The following MAP4K5 variants were observed in gnomAD, a reference collection of about 807,000 sequenced individuals.
The protein encoded by MAP4K5 is MAPK/ERK kinase kinase kinase 5.
MAP4K5 carries 82 observed loss-of-function variants against 135.6 expected under a neutral mutation model. The observed-to-expected ratio is 0.60, with a 90% CI of 0.51 to 0.73. The LOEUF (loss-of-function observed/expected upper bound fraction) is 0.73. MAP4K5 is among the 30% of genes least tolerant of loss of function. The probability of loss-of-function intolerance (pLI) is 0.00; values close to 1 mark genes in which losing one functional copy is unlikely to be tolerated. For synonymous variants in MAP4K5, 347 were observed against 335.0 expected (o/e 1.04, Z -0.39); for missense variants, 907 against 1,010.9 (o/e 0.90, Z 1.39).
Position 50,426,456 on chromosome 14 carries a change from G to GA in MAP4K5, c.2327-480_2327-479insT, listed in dbSNP as rs1487081826. On this transcript the variant is annotated intron_variant, in intron 30 of 32. Coordinates refer to ENST00000682126, the MANE Select transcript of MAP4K5 (RefSeq NM_006575.6). ...AAAAATAAACCTGGCCGGGCGCAGT[G>GA]GCTCATCCCTGTAACCTCAGCACTT... 1.2e-4 allele frequency among the ~76,000 whole-genome samples: 18 copies of GA among 152,306 alleles called. No individual in the cohort carries two copies. The East Asian group carries it at 3.3e-3, about 28-fold the overall frequency.
intron 1 of MAP4K5, among the ~76,000 whole-genome samples, chr14:50,554,066 CA>C (rs1046348590): frequency 4.0e-5 from 6 of 149,870 alleles, no homozygotes; most frequent in Non-Finnish European, 7.4e-5. Flanking sequence ...ATTAATGTAA[CA>C]AAAAAAATCT....
At chr14:50,541,230 T>C (rs1400420554) in intron 2 of MAP4K5, among the ~76,000 whole-genome samples, 1 of 152,252 alleles carries the variant, frequency 6.6e-6, no homozygotes, top group Admixed American at 6.5e-5. Context: ...TAGAGTATCA[T>C]TCCAGAGGGA....
At chr14:50,555,290 GTTTGT>G (rs2038752342) in intron 1 of MAP4K5, among the ~76,000 whole-genome samples, 3 of 152,060 alleles carry the variant, frequency 2.0e-5, no homozygotes, top group Admixed American at 2.0e-4. Context: ...TTGTTTGTTT[GTTTGT>G]TTTTGAGACG....
intron 11 of MAP4K5, among the ~76,000 whole-genome samples, chr14:50,466,321 G>A (rs1018621693): frequency 6.9e-6 from 1 of 145,982 alleles, no homozygotes; most frequent in Non-Finnish European, 1.5e-5. Context: ...GTTTGAGGTT[G>A]CAGTGAGTTA....
Position 50,476,185 on chromosome 14 carries a change from C to A in MAP4K5, c.427-15G>T, listed in dbSNP as rs768180939. 4.0e-6 allele frequency: 6 copies of A among 1,495,944 alleles called. No individual in the cohort carries two copies. In the South Asian group the frequency reaches 7.9e-5, roughly 20 times the overall value. 92.7% of individuals were successfully genotyped at this position (1,495,944 alleles called of 1,614,324 possible). ...ATATTAGCACCCTAGAACAAAAATA[C>A]AAATACAATTAAATTAGCATCATAA... On this transcript the variant is annotated splice_polypyrimidine_tract_variant and intron_variant, in intron 7 of 32. Coordinates refer to ENST00000682126, the MANE Select transcript of MAP4K5 (RefSeq NM_006575.6).
chr14:50,557,745 A>G (rs376621379), intron 1 of MAP4K5, among the ~76,000 whole-genome samples: 3 of 152,240 alleles, frequency 2.0e-5, no homozygotes, highest in Non-Finnish European at 4.4e-5. Flanking sequence ...GTCCACTGAA[A>G]GGGTCTAGAA....
intron 2 of MAP4K5, among the ~76,000 whole-genome samples, chr14:50,525,283 G>C (rs2038239338): frequency 6.6e-6 from 1 of 152,160 alleles, no homozygotes; most frequent in African/African-American, 2.4e-5. Flanking sequence ...TCTGTTGATA[G>C]CATCAATGTA....
intron 2 of MAP4K5, among the ~76,000 whole-genome samples, chr14:50,525,933 C>T (rs2038254629): frequency 6.6e-6 from 1 of 152,144 alleles, no homozygotes; most frequent in Admixed American, 6.5e-5. Flanking sequence ...CAGAAAATAG[C>T]CTCTATTCTC....
At chr14:50,532,292 C>T (rs1256897871) in intron 1 of MAP4K5, 134 bp from the exon 2 acceptor site, 6 of 439,296 alleles carry the variant, frequency 1.4e-5, no homozygotes, top group Non-Finnish European at 2.4e-5. Flanking sequence ...GAAGGGCCCC[C>T]GGCGCCCCGT....
chr14:50,553,339 A>G (rs756305095), intron 1 of MAP4K5, among the ~76,000 whole-genome samples: 9 of 152,096 alleles, frequency 5.9e-5, no homozygotes, highest in Admixed American at 5.9e-4. Context: ...CAGACAGCCA[A>G]CAAACATTGA....
At position 50,428,702 on chromosome 14, in the gene MAP4K5, C is replaced by T. The variant is rs2035902783; in HGVS notation, c.2286G>A (p.Leu762=). 1 of 1,517,472 alleles carries T rather than the reference C, an allele frequency of 6.6e-7. No homozygotes were observed. The highest frequency in any genetic ancestry group is 8.8e-7 in the Non-Finnish European group (1 of 1,137,048). 94.0% of individuals were successfully genotyped at this position (1,517,472 alleles called of 1,614,324 possible). Residue 762 remains leucine, a synonymous_variant, in exon 30 of 33, where the codon CTG becomes CTA. Coordinates refer to ENST00000682126, the MANE Select transcript of MAP4K5 (RefSeq NM_006575.6). The part of the protein sequence containing the change: ...LQGKLKSSKK[L]ASELSFDFRI... The stretch of plus-strand genomic sequence containing the variant: ...GAAAATCAAAACTTAACTCAGAGGC[C>T]AGTTTCTTACTTGATTTTAATTTTC...
intron 2 of MAP4K5, among the ~76,000 whole-genome samples, chr14:50,510,549 G>T (rs1399528640): frequency 3.3e-5 from 5 of 152,098 alleles, no homozygotes; most frequent in African/African-American, 1.2e-4. Context: ...GAAGGTTATT[G>T]CTCTCTTAAA....
At chr14:50,466,279 G>A (rs1278023434) in intron 11 of MAP4K5, among the ~76,000 whole-genome samples, 4 of 151,516 alleles carry the variant, frequency 2.6e-5, no homozygotes, top group Non-Finnish European at 5.9e-5. Flanking sequence ...CTACACAAGA[G>A]GCTGAGGAGG....
At chr14:50,546,792 T>C (rs983946299) in intron 1 of MAP4K5, among the ~76,000 whole-genome samples, 20 of 152,008 alleles carry the variant, frequency 1.3e-4, no homozygotes, top group African/African-American at 4.3e-4. Context: ...TCAATGAAAG[T>C]AACAAAATCT....
chr14:50,514,704 T>C (rs1344422236), intron 2 of MAP4K5, among the ~76,000 whole-genome samples: 1 of 152,060 alleles, frequency 6.6e-6, no homozygotes, highest in Non-Finnish European at 1.5e-5. Context: ...TAAGAGATTA[T>C]GGATAGCAAA....
At chr14:50,460,545 T>A (rs1301726778) in intron 13 of MAP4K5, among the ~76,000 whole-genome samples, 1 of 152,200 alleles carries the variant, frequency 6.6e-6, no homozygotes, top group African/African-American at 2.4e-5. Context: ...TTTACTAAGT[T>A]TTGGATCTTT....
Position 50,507,852 on chromosome 14 carries a change from T to C in MAP4K5, c.109-2995A>G, listed in dbSNP as rs140995447. ...GATTTGGGGTGGAGAGTTCTGTAGA[T>C]GTCTATTGGGTCTGCTTGGTGCAGA... On this transcript the variant is annotated intron_variant, in intron 2 of 32. Coordinates refer to ENST00000682126, the MANE Select transcript of MAP4K5 (RefSeq NM_006575.6). Among the ~76,000 whole-genome samples, 39 of 152,314 alleles carry C rather than the reference T, an allele frequency of 2.6e-4. No individual in the cohort carries two copies. The East Asian group carries it at 7.5e-3, about 29-fold the overall frequency.
Position 50,419,927 on chromosome 14 carries a change from CA to C in MAP4K5, c.*91del, listed in dbSNP as rs2043039172. The C allele has an allele frequency of 1.1e-6, 1 of 872,192 alleles. No individual in the cohort carries two copies. The highest frequency in any genetic ancestry group is 1.9e-6 in the Non-Finnish European group (1 of 531,888). 54.0% of individuals were successfully genotyped at this position (872,192 alleles called of 1,614,324 possible). A position where few individuals can be genotyped will look rare whatever the true frequency, so the allele number is the denominator to read the frequency against. On this transcript the variant is annotated 3_prime_UTR_variant, in exon 33 of 33. Transcript: ENST00000682126. ...GCAATATAACCCATAATAGTTAAAG[CA>C]AATCATAGTGCAGTTTGTATTGAAT...
chr14:50,465,812 T>G (rs1365377130), intron 11 of MAP4K5, among the ~76,000 whole-genome samples: 3 of 152,176 alleles, frequency 2.0e-5, no homozygotes, highest in African/African-American at 7.2e-5. Context: ...GTGAGGTGGC[T>G]CATGCCTGTA....
Sources: gnomAD v4.1 joint callset for allele counts (sites outside exome capture counted in the v4.1 genomes callset) on GRCh38, gnomAD v4.1.1 for gene constraint, MANE v1.5 for transcripts, NCBI Gene and HGNC (gene_info 2026-07-23, HGNC 2026-07-21) for gene names.